PTPRN2: variants seen among roughly 807,000 people sequenced by gnomAD.
PTPRN2 encodes the protein receptor-type tyrosine-protein phosphatase N2.
PTPRN2 carries 74 observed loss-of-function variants against 118.8 expected under a neutral mutation model. The observed-to-expected ratio is 0.62, with a 90% confidence interval of 0.52 to 0.76. The LOEUF is 0.76. Ranked by LOEUF, PTPRN2 falls within the 30% of genes least tolerant of loss-of-function variation. The pLI, the probability that PTPRN2 is intolerant of heterozygous loss-of-function variation, is 0.00. For missense variants in PTPRN2, 1,481 were observed against 1,394.4 expected (o/e 1.06, Z -0.99); for synonymous variants, 641 against 608.0 (o/e 1.05, Z -0.80).
At chr7:157,737,447 T>C (rs919387883) in intron 12 of PTPRN2, among the ~76,000 whole-genome samples, 19 of 152,242 alleles carry the variant, frequency 1.2e-4, no homozygotes, top group Admixed American at 1.2e-3. Flanking sequence ...AGCATGGTGC[T>C]CTCTGGCCGG....
intron 3 of PTPRN2, among the ~76,000 whole-genome samples, chr7:158,277,833 G>C (rs183636207): frequency 6.6e-6 from 1 of 152,196 alleles, no homozygotes; most frequent in African/African-American, 2.4e-5. Flanking sequence ...AGAGGAATCC[G>C]CCTTCAGGGA....
chr7:157,792,645 A>T (rs1042036317), intron 12 of PTPRN2, among the ~76,000 whole-genome samples: 6 of 152,112 alleles, frequency 3.9e-5, no homozygotes, highest in Non-Finnish European at 5.9e-5. Context: ...CTTGTAAGCG[A>T]ATGAGGAAAG....
chr7:158,294,148 A>G (rs957998600), intron 3 of PTPRN2, among the ~76,000 whole-genome samples: 3 of 152,214 alleles, frequency 2.0e-5, no homozygotes, highest in Non-Finnish European at 4.4e-5. Flanking sequence ...GAGGGCCACA[A>G]GGTCAGTCGG....
chr7:158,055,122 A>G (rs1809688460), intron 11 of PTPRN2, among the ~76,000 whole-genome samples: 1 of 152,248 alleles, frequency 6.6e-6, no homozygotes, highest in African/African-American at 2.4e-5. Flanking sequence ...AATATCATTC[A>G]TCATTAGTTT....
chr7:158,334,516 G>T (rs867236949), intron 2 of PTPRN2, among the ~76,000 whole-genome samples: 990 of 91,318 alleles, frequency 0.011, 2 homozygotes, highest in African/African-American at 0.037. Flanking sequence ...CTCACCATAA[G>T]AGGTGACACC....
chr7:158,561,789 C>T (rs930792092), intron 1 of PTPRN2, among the ~76,000 whole-genome samples: 9 of 152,236 alleles, frequency 5.9e-5, no homozygotes, highest in Middle Eastern at 3.2e-3. Flanking sequence ...GGGCCAACAC[C>T]AGGACCAAAC....
At chr7:157,954,374 G>A (rs558971708) in intron 11 of PTPRN2, among the ~76,000 whole-genome samples, 45 of 151,180 alleles carry the variant, frequency 3.0e-4, no homozygotes, top group Admixed American at 2.6e-4. Context: ...TGTAGTCTCT[G>A]CATGTGTGTC....
At chr7:158,104,340 G>A (rs1186948519) in intron 10 of PTPRN2, among the ~76,000 whole-genome samples, 2 of 152,180 alleles carry the variant, frequency 1.3e-5, no homozygotes, top group Non-Finnish European at 2.9e-5. Context: ...AAAGGCCCTG[G>A]AAGACACATA....
chr7:157,814,367 C>T (rs1451123138), intron 12 of PTPRN2, among the ~76,000 whole-genome samples: 2 of 151,918 alleles, frequency 1.3e-5, no homozygotes, highest in Admixed American at 6.6e-5. Flanking sequence ...GCTTCCTCAG[C>T]GTTTGACGGG....
At chr7:157,839,665 CTG>C (rs2151179371) in intron 12 of PTPRN2, among the ~76,000 whole-genome samples, 1 of 150,856 alleles carries the variant, frequency 6.6e-6, no homozygotes, top group East Asian at 2.0e-4. Flanking sequence ...GTGTGTGTGA[CTG>C]TGTAGCTGTG....
intron 12 of PTPRN2, among the ~76,000 whole-genome samples, chr7:157,800,931 A>G (rs181921924): frequency 0.012 from 1,869 of 151,750 alleles, 38 homozygotes; most frequent in African/African-American, 0.04. Flanking sequence ...CAGCCTGGGC[A>G]ACAGAGAGAG....
At chr7:158,234,239 A>G (rs1210453217) in intron 3 of PTPRN2, among the ~76,000 whole-genome samples, 1 of 152,084 alleles carries the variant, frequency 6.6e-6, no homozygotes, top group Admixed American at 6.6e-5. Flanking sequence ...ATTAATAACC[A>G]GAATATATAA....
chr7:157,799,803 CCGTCCCTCAGA>C, intron 12 of PTPRN2, among the ~76,000 whole-genome samples: 5 of 122,426 alleles, frequency 4.1e-5, no homozygotes, highest in African/African-American at 1.3e-4. Context: ...TCGGCCTACC[CCGTCCCTCAGA>C]GGCACCACAG....
chr7:158,323,791 T>C (rs141216664), intron 2 of PTPRN2, among the ~76,000 whole-genome samples: 124 of 152,290 alleles, frequency 8.1e-4, no homozygotes, highest in Non-Finnish European at 1.5e-3. Flanking sequence ...TATTCTCATA[T>C]AGTCTGTGGG....
At chr7:158,221,124 C>G (rs981002856) in intron 3 of PTPRN2, among the ~76,000 whole-genome samples, 1 of 152,058 alleles carries the variant, frequency 6.6e-6, no homozygotes, top group African/African-American at 2.4e-5. Flanking sequence ...AGAAAGGACT[C>G]CCTATTCAAT....
At chr7:158,001,287 G>A (rs1411102761) in intron 11 of PTPRN2, among the ~76,000 whole-genome samples, 7 of 151,956 alleles carry the variant, frequency 4.6e-5, no homozygotes, top group Admixed American at 1.3e-4. Flanking sequence ...GTAGAGAGCA[G>A]AGGGCCTTCT....
In PTPRN2 at chr7:158,093,679, G is replaced by A. The variant is rs902151103; in HGVS notation, c.1644-12302C>T. On this transcript the variant is annotated intron_variant, in intron 10 of 22. Coordinates refer to ENST00000389418, the MANE Select transcript of PTPRN2 (RefSeq NM_002847.5). The surrounding 1 kb of genome is among the most constrained non-coding windows in gnomAD (Gnocchi z 4.4). ...GGAACATAAAACTCCGGAATTCCAC[G>A]TGGATAGCATAATGCATACCTACTT... Among the ~76,000 whole-genome samples the A allele has an allele frequency of 2.0e-5, 3 of 152,166 alleles. No individual in the cohort carries two copies. The highest frequency in any genetic ancestry group is 4.4e-5 in the Non-Finnish European group (3 of 68,030).
At chr7:158,460,857 ATAG>A (rs1018706250) in intron 2 of PTPRN2, among the ~76,000 whole-genome samples, 1 of 152,270 alleles carries the variant, frequency 6.6e-6, no homozygotes, top group Non-Finnish European at 1.5e-5. Flanking sequence ...ACAAGAACAG[ATAG>A]TAGTTCCAGT....
At chr7:158,235,285 T>G (rs1226467607) in intron 3 of PTPRN2, among the ~76,000 whole-genome samples, 2 of 152,294 alleles carry the variant, frequency 1.3e-5, no homozygotes, top group East Asian at 3.9e-4. Flanking sequence ...CAAAGAGATA[T>G]CTGCATGCCT....
Sources: gnomAD v4.1 joint callset for allele counts (sites outside exome capture counted in the v4.1 genomes callset) on GRCh38, gnomAD v4.1.1 for gene constraint, Gnocchi (gnomAD v3.1) non-coding constraint, MANE v1.5 for transcripts, NCBI Gene and HGNC (gene_info 2026-07-23, HGNC 2026-07-21) for gene names.